Variants in SCRN1 observed in about 807,000 individuals in gnomAD.
The protein encoded by SCRN1 is secernin 1.
A neutral mutation model predicts 43.3 loss-of-function variants in SCRN1; 19 were observed. The ratio of observed to expected loss-of-function variants is 0.44; its 90% CI spans 0.31 to 0.64. The LOEUF (loss-of-function observed/expected upper bound fraction) is 0.64, where lower values mean the gene tolerates loss of function less well. Among genes scored for constraint, SCRN1 ranks in the 30% least tolerant of loss-of-function variants. The pLI, the probability that SCRN1 is intolerant of heterozygous loss-of-function variation, is 0.09. For synonymous variants in SCRN1, 183 were observed against 188.9 expected (o/e 0.97, Z 0.26); for missense variants, 447 against 524.1 (o/e 0.85, Z 1.44).
At chr7:29,929,549 T>C (rs1396843584) in intron 6 of SCRN1, among the ~76,000 whole-genome samples, 3 of 152,194 alleles carry the variant, frequency 2.0e-5, no homozygotes, top group Non-Finnish European at 2.9e-5. Context: ...GGGAGAGCCA[T>C]GCCAAGAAGT....
chr7:29,943,549 GATC>G, intron 4 of SCRN1, among the ~76,000 whole-genome samples: 1 of 152,100 alleles, frequency 6.6e-6, no homozygotes, highest in Non-Finnish European at 1.5e-5. Flanking sequence ...TCCTCACACA[GATC>G]TAAACTCCTA....
chr7:29,962,589 G>A (rs1788362291), intron 2 of SCRN1, among the ~76,000 whole-genome samples: 2 of 152,160 alleles, frequency 1.3e-5, no homozygotes, highest in South Asian at 4.1e-4. Context: ...TTGGGAGGCT[G>A]AGGCAGGAGA....
At chr7:29,990,257 C>T (rs368886137), upstream of SCRN1, 2 of 1,551,618 alleles carry the variant, frequency 1.3e-6, no homozygotes, top group Admixed American at 2.0e-5. Context: ...AAGCCAGACC[C>T]TGTCCCAGGT....
intron 1 of SCRN1, among the ~76,000 whole-genome samples, chr7:29,978,333 C>A (rs1345000389): frequency 6.6e-6 from 1 of 152,212 alleles, no homozygotes; most frequent in South Asian, 2.1e-4. Flanking sequence ...TCTGGCAACA[C>A]CAAATCCACA....
chr7:29,961,748 C>T (rs952218334), intron 2 of SCRN1, among the ~76,000 whole-genome samples: 7 of 150,138 alleles, frequency 4.7e-5, no homozygotes, highest in African/African-American at 7.4e-5. Flanking sequence ...CCCTCACCTC[C>T]CGGATGGGGC....
intron 2 of SCRN1, 77 bp from the exon 3 acceptor site, chr7:29,955,437 A>G: frequency 7.3e-7 from 1 of 1,376,070 alleles, no homozygotes; most frequent in Non-Finnish European, 1.0e-6. Context: ...ACTTATACTG[A>G]ACCATCATAT....
chr7:29,959,586 A>C (rs1048235758), intron 2 of SCRN1, among the ~76,000 whole-genome samples: 2 of 151,672 alleles, frequency 1.3e-5, no homozygotes, highest in Non-Finnish European at 2.9e-5. Context: ...TTTTTATTTT[A>C]TTTTTTTACC....
chr7:29,969,178 G>C, intron 1 of SCRN1, 110 bp from the exon 2 acceptor site: 1 of 1,293,458 alleles, frequency 7.7e-7, no homozygotes, highest in Non-Finnish European at 1.1e-6. Context: ...ATTGAACTGT[G>C]CACAGCTAGC....
intron 7 of SCRN1, among the ~76,000 whole-genome samples, chr7:29,924,808 G>T (rs970749072): frequency 6.6e-6 from 1 of 152,088 alleles, no homozygotes; most frequent in Non-Finnish European, 1.5e-5. Context: ...TCTTCCATGG[G>T]ACTCACTCAT....
intron 1 of SCRN1, among the ~76,000 whole-genome samples, chr7:29,983,489 G>A (rs1371160977): frequency 6.6e-6 from 1 of 151,844 alleles, no homozygotes; most frequent in Non-Finnish European, 1.5e-5. Flanking sequence ...CATGGCAGAA[G>A]ATTTAAAGAA....
At chr7:29,969,180 A>G in intron 1 of SCRN1, 112 bp from the exon 2 acceptor site, 1 of 1,288,802 alleles carries the variant, frequency 7.8e-7, no homozygotes, top group Non-Finnish European at 1.1e-6. Context: ...TGAACTGTGC[A>G]CAGCTAGCTC....
Position 29,940,717 on chromosome 7 carries a change from C to T in SCRN1, c.704G>A (p.Cys235Tyr). Residue 235 changes from cysteine to tyrosine, a missense_variant, in exon 5 of 8, where the codon TGC (cysteine) becomes TAC (tyrosine). Physicochemically the swap from Cys to Tyr is radical, Grantham distance 194. Transcript: ENST00000242059. ...TTCTAAGCTGTCTTTGCCAGCACCGCAGTCTAGATGATCCTCAACTGGAGA... is the reference window on the plus strand; with the variant it reads ...TTCTAAGCTGTCTTTGCCAGCACCGTAGTCTAGATGATCCTCAACTGGAGA... ...VFSPVEDHLDCGAGKDSLEKQ... is the reference protein window; with the variant it reads ...VFSPVEDHLDYGAGKDSLEKQ... 1 of 1,605,338 alleles carries T rather than the reference C, an allele frequency of 6.2e-7. No homozygotes were observed. Among genetic ancestry groups the T allele is most frequent in the Non-Finnish European group, 8.5e-7 (1 of 1,177,672 alleles).
At position 29,950,995 on chromosome 7, in the gene SCRN1, T is replaced by G. The variant is rs1787901135; in HGVS notation, c.341+4184A>C. 6.6e-6 allele frequency among the ~76,000 whole-genome samples: 1 copy of G among 152,206 alleles called. No homozygotes were observed. Among genetic ancestry groups the G allele is most frequent in the Non-Finnish European group, 1.5e-5 (1 of 68,036 alleles). On this transcript the variant is annotated intron_variant, in intron 3 of 7. Coordinates refer to ENST00000242059, the MANE Select transcript of SCRN1 (RefSeq NM_014766.5). This position sits in a 1 kb window ranked among gnomAD's most constrained non-coding sequence, Gnocchi z 4.5. ...GAAAGAGCTATAACACAAACAGTGC[T>G]GAAGCACACCCCCAGCCCCCACCAT...
At chr7:29,938,723 T>A (rs950786101) in intron 5 of SCRN1, among the ~76,000 whole-genome samples, 1 of 152,228 alleles carries the variant, frequency 6.6e-6, no homozygotes, top group Non-Finnish European at 1.5e-5. Flanking sequence ...AGGAATACTT[T>A]TAGTTAATCT....
chr7:29,925,302 G>T (rs140950464), intron 7 of SCRN1, among the ~76,000 whole-genome samples: 2 of 152,330 alleles, frequency 1.3e-5, no homozygotes, highest in Admixed American at 1.3e-4. Flanking sequence ...CCTTCTCAGA[G>T]ATGCTTTCTG....
intron 2 of SCRN1, among the ~76,000 whole-genome samples, chr7:29,967,887 G>A (rs1331534710): frequency 1.3e-5 from 2 of 152,174 alleles, no homozygotes; most frequent in Non-Finnish European, 2.9e-5. Context: ...TAGCCATCGT[G>A]AAAGTTTGAC....
At chr7:29,961,081 A>C (rs920866406) in intron 2 of SCRN1, among the ~76,000 whole-genome samples, 14 of 117,550 alleles carry the variant, frequency 1.2e-4, no homozygotes, top group Admixed American at 7.6e-4. Context: ...TTTTTAATTT[A>C]TTTTTTTATT....
At chr7:29,956,553 C>T (rs965544609) in intron 2 of SCRN1, among the ~76,000 whole-genome samples, 1 of 152,222 alleles carries the variant, frequency 6.6e-6, no homozygotes, top group African/African-American at 2.4e-5. Flanking sequence ...CGACTGAATG[C>T]AGCCCACAAA....
chr7:29,971,068 T>A (rs1477119212), intron 1 of SCRN1, among the ~76,000 whole-genome samples: 2 of 152,188 alleles, frequency 1.3e-5, no homozygotes, highest in East Asian at 3.9e-4. Flanking sequence ...ATTTGTGTCA[T>A]CAATTATCCA....
Sources: allele counts gnomAD v4.1 joint callset (sites outside exome capture counted in the v4.1 genomes callset), GRCh38; gene constraint gnomAD v4.1.1; non-coding constraint Gnocchi (gnomAD v3.1); transcripts MANE v1.5; gene names NCBI Gene and HGNC (gene_info 2026-07-23, HGNC 2026-07-21).